ZMYND8: variants seen among roughly 807,000 people sequenced by gnomAD.
ZMYND8 encodes zinc finger MYND-type containing 8, also known as MYND-type zinc finger-containing chromatin reader ZMYND8.
A neutral mutation model predicts 140.8 loss-of-function variants in ZMYND8; 37 were observed. The observed-to-expected ratio is 0.26, with a 90% CI of 0.20 to 0.35. The LOEUF is 0.35. Ranked by LOEUF, ZMYND8 falls within the 10% of genes least tolerant of loss-of-function variation. The pLI, the probability that ZMYND8 is intolerant of heterozygous loss-of-function variation, is 1.00. For missense variants in ZMYND8, 1,068 were observed against 1,570.0 expected (o/e 0.68, Z 5.40); for synonymous variants, 592 against 597.1 (o/e 0.99, Z 0.12).
chr20:47,310,744 T>C (rs113959109), intron 2 of ZMYND8, among the ~76,000 whole-genome samples: 4,599 of 142,954 alleles, frequency 0.032, 141 homozygotes, highest in South Asian at 0.11. Context: ...CGAGATTGTG[T>C]CACTGCACTC....
rs758923100 is a variant in ZMYND8, at chr20:47,285,881, ACTCT to A, written c.804+1344_804+1347del. 6.9e-4 allele frequency: 661 copies of A among 958,960 alleles called. 1 individual carries two copies. The highest frequency in any genetic ancestry group is 7.7e-4 in the Non-Finnish European group (620 of 806,084). 59.4% of individuals were successfully genotyped at this position (958,960 alleles called of 1,614,324 possible). A position where few individuals can be genotyped will look rare whatever the true frequency, so the allele number is the denominator to read the frequency against. Reference sequence around the variant, plus strand: ...ACTAAGTGAGAAAGCAGTTTATAAAACTCTCTCTACATAAATATACAGACATAAG... The same window carrying A: ...ACTAAGTGAGAAAGCAGTTTATAAAACTCTACATAAATATACAGACATAAG... On this transcript the variant is annotated intron_variant, in intron 8 of 22. Coordinates refer to ENST00000471951, the MANE Select transcript of ZMYND8 (RefSeq NM_001281775.3).
In ZMYND8 at chr20:47,356,344, A is replaced by G. The variant is rs529528341; in HGVS notation, c.14+313T>C. On this transcript the variant is annotated intron_variant, in intron 1 of 22. Transcript: ENST00000471951. Reference sequence around the variant, plus strand: ...AGGGAAGAGGGAAAGAAAAAAAAAAAAAGAAGGAAAAAAAAAAGCTTCTTT... The same window carrying G: ...AGGGAAGAGGGAAAGAAAAAAAAAAGAAGAAGGAAAAAAAAAAGCTTCTTT... The G allele has an allele frequency of 8.3e-3, 12,154 of 1,461,844 alleles. 73 individuals are homozygous for G. Among genetic ancestry groups the G allele is most frequent in the Non-Finnish European group, 0.01 (11,282 of 1,108,232 alleles). 90.6% of individuals were successfully genotyped at this position (1,461,844 alleles called of 1,614,324 possible).
chr20:47,259,381 C>T (rs2074991586), intron 12 of ZMYND8, among the ~76,000 whole-genome samples: 1 of 152,186 alleles, frequency 6.6e-6, no homozygotes, highest in Admixed American at 6.5e-5. Context: ...GCTGTACTCA[C>T]AGGTGAGCCA....
At chr20:47,325,677 A>T (rs1275775326) in intron 2 of ZMYND8, among the ~76,000 whole-genome samples, 2 of 152,166 alleles carry the variant, frequency 1.3e-5, no homozygotes, top group Non-Finnish European at 2.9e-5. Flanking sequence ...CTTGAATGGG[A>T]TGGGGCCATT....
intron 2 of ZMYND8, chr20:47,319,261 G>C (rs533390893): frequency 5.7e-6 from 2 of 351,588 alleles, no homozygotes; most frequent in Non-Finnish European, 1.1e-5. Flanking sequence ...CAGCAGCTCG[G>C]CTGAGCTGAA....
rs138206601 is a variant in ZMYND8 at position 47,302,872 on chromosome 20, G to A, written c.235-3925C>T. Among the ~76,000 whole-genome samples the A allele has an allele frequency of 1.1e-4, 16 of 152,258 alleles. 1 individual carries two copies. In the East Asian group the frequency reaches 2.7e-3, roughly 26 times the overall value. ...ATGACTACTAAAAACCTGACAGAAG[G>A]GGACAGCATCCAGGGCACAGGCTCT... On this transcript the variant is annotated intron_variant, in intron 3 of 22. Coordinates refer to ENST00000471951, the MANE Select transcript of ZMYND8 (RefSeq NM_001281775.3).
chr20:47,233,630 C>G (rs866891110), intron 16 of ZMYND8, among the ~76,000 whole-genome samples: 8 of 152,238 alleles, frequency 5.3e-5, no homozygotes, highest in African/African-American at 1.7e-4. Flanking sequence ...TAAGTGCACA[C>G]TCTCTAGGGC....
intron 12 of ZMYND8, among the ~76,000 whole-genome samples, chr20:47,257,618 T>C (rs896795317): frequency 6.6e-6 from 1 of 152,054 alleles, no homozygotes; most frequent in Non-Finnish European, 1.5e-5. Flanking sequence ...CCATATACCA[T>C]ATACTGTCAT....
chr20:47,339,411 A>G (rs1434598481), intron 2 of ZMYND8, among the ~76,000 whole-genome samples: 1 of 152,204 alleles, frequency 6.6e-6, no homozygotes, highest in Non-Finnish European at 1.5e-5. Flanking sequence ...AGACCTAGCA[A>G]TAAAAATTCA....
In ZMYND8 at chr20:47,227,655, A is replaced by C. The variant is rs544265702; in HGVS notation, c.2938-374T>G. 9.3e-4 allele frequency among the ~76,000 whole-genome samples: 142 copies of C among 152,334 alleles called. No individual in the cohort carries two copies. In the Middle Eastern group the frequency reaches 0.01, roughly 11 times the overall value. On this transcript the variant is annotated intron_variant, in intron 17 of 22. Coordinates refer to ENST00000471951, the MANE Select transcript of ZMYND8 (RefSeq NM_001281775.3). The stretch of plus-strand genomic sequence containing the variant: ...ATAACATTTAGGTGGTGGGATCCAC[A>C]CTTATTCACCTGAAATTCCAAAGCC...
chr20:47,260,349 C>G lies in ZMYND8; in HGVS notation c.1621+1939G>C, dbSNP rs549368244. On this transcript the variant is annotated intron_variant, in intron 12 of 22. Transcript: ENST00000471951. ...CATTCACATCCCTCCTGCGCTGAAC[C>G]CTCCATCCACACCAGGGTCTACGAG... Among the ~76,000 whole-genome samples the G allele has an allele frequency of 1.6e-4, 24 of 152,288 alleles. No homozygotes were observed. The East Asian group carries it at 4.6e-3, about 29-fold the overall frequency.
At chr20:47,318,910 G>C in intron 2 of ZMYND8, 3 of 1,326,556 alleles carry the variant, frequency 2.3e-6, no homozygotes, top group African/African-American at 1.5e-5. Context: ...CTCGGAGGCA[G>C]AACATGCGAG....
intron 2 of ZMYND8, among the ~76,000 whole-genome samples, chr20:47,325,695 A>G (rs1242432646): frequency 6.6e-6 from 1 of 152,186 alleles, no homozygotes; most frequent in African/African-American, 2.4e-5. Flanking sequence ...ATTCAGCTAA[A>G]TGCAATTACT....
At chr20:47,313,449 C>T (rs953015046) in intron 2 of ZMYND8, among the ~76,000 whole-genome samples, 13 of 151,654 alleles carry the variant, frequency 8.6e-5, no homozygotes, top group East Asian at 7.7e-4. Flanking sequence ...GGTGAAACCC[C>T]GTCTCTACCA....
rs72091806 is a variant in ZMYND8, at chr20:47,280,124, C to CAA, written c.998+1976_998+1977dup. The stretch of plus-strand genomic sequence containing the variant: ...TAGGTGACAAACCAAGACTCTGCTC[C>CAA]AAAAAAAAAAAAAAAAAAAGAATGG... On this transcript the variant is annotated intron_variant, in intron 10 of 22. Coordinates refer to ENST00000471951, the MANE Select transcript of ZMYND8 (RefSeq NM_001281775.3). Among the ~76,000 whole-genome samples the CAA allele has an allele frequency of 3.7e-3, 333 of 90,828 alleles. 4 individuals carry two copies. Among genetic ancestry groups the CAA allele is most frequent in the South Asian group, 0.017 (50 of 3,010 alleles). The allele number at this position is 90,828 out of a possible 152,430, so 59.6% of individuals were successfully genotyped here.
At chr20:47,309,900 T>C (rs1348937113) in intron 3 of ZMYND8, among the ~76,000 whole-genome samples, 156 bp downstream of exon 3, 2 of 151,858 alleles carry the variant, frequency 1.3e-5, no homozygotes, top group Admixed American at 6.6e-5. Flanking sequence ...ACAGGCCCAT[T>C]TTTAGCCATC....
chr20:47,269,203 A>T (rs1241103325), intron 11 of ZMYND8, among the ~76,000 whole-genome samples: 2 of 152,206 alleles, frequency 1.3e-5, no homozygotes, highest in South Asian at 2.1e-4. Context: ...CATCTCAAAA[A>T]AAATAAATAA....
chr20:47,266,944 A>T (rs2075571050), intron 11 of ZMYND8, among the ~76,000 whole-genome samples: 1 of 152,162 alleles, frequency 6.6e-6, no homozygotes, highest in East Asian at 1.9e-4. Context: ...ACACAAACAA[A>T]TCCTTGGATA....
chr20:47,317,042 T>C (rs1422958872), intron 2 of ZMYND8, among the ~76,000 whole-genome samples: 1 of 152,126 alleles, frequency 6.6e-6, no homozygotes, highest in Non-Finnish European at 1.5e-5. Context: ...CATGGCCTTG[T>C]ACCAGGAGGG....
Sources: gnomAD v4.1 joint callset for allele counts (sites outside exome capture counted in the v4.1 genomes callset) on GRCh38, gnomAD v4.1.1 for gene constraint, MANE v1.5 for transcripts, NCBI Gene and HGNC (gene_info 2026-07-23, HGNC 2026-07-21) for gene names.